Variants in PADI2 observed in about 807,000 individuals in gnomAD.
PADI2 encodes the protein protein-arginine deiminase type-2.
PADI2 carries 70 observed loss-of-function variants against 81.1 expected under a neutral mutation model. That is an observed-to-expected ratio of 0.86 (90% confidence interval 0.71 to 1.05). The LOEUF (loss-of-function observed/expected upper bound fraction) is 1.05. Ranked by LOEUF, PADI2 falls within the 50% of genes least tolerant of loss-of-function variation. The probability of loss-of-function intolerance (pLI) is 0.00; values close to 1 mark genes in which losing one functional copy is unlikely to be tolerated. For missense variants in PADI2, 853 were observed against 889.9 expected, an observed-to-expected ratio of 0.96 and a Z score of 0.53; for synonymous variants, 338 against 358.0, an observed-to-expected ratio of 0.94 and a Z score of 0.63.
At position 17,091,854 on chromosome 1, in the gene PADI2, C is replaced by T. The variant is rs184105369; in HGVS notation, c.655+554G>A. ...TGTGTTTACTGCAGAGATCTCAAAG[C>T]TGAGAACAGGGCCTGGCACCAAAGG... On this transcript the variant is annotated intron_variant, in intron 6 of 15. Transcript: ENST00000375486. Among the ~76,000 whole-genome samples, 5 of 152,246 alleles carry T rather than the reference C, an allele frequency of 3.3e-5. No individual in the cohort carries two copies. The East Asian group carries it at 9.7e-4, about 29-fold the overall frequency.
chr1:17,095,533 T>A (rs75475680), intron 4 of PADI2, among the ~76,000 whole-genome samples: 3,253 of 152,232 alleles, frequency 0.021, 55 homozygotes, highest in Middle Eastern at 0.071. Flanking sequence ...GAACTGAGAA[T>A]GATGAATGCG....
At chr1:17,069,719 A>G (rs2078251660) in intron 15 of PADI2, among the ~76,000 whole-genome samples, 1 of 151,826 alleles carries the variant, frequency 6.6e-6, no homozygotes, top group African/African-American at 2.4e-5. Context: ...ATGTGTGCTC[A>G]TGTGTGTATA....
At chr1:17,103,367 G>A (rs1469787310) in intron 2 of PADI2, among the ~76,000 whole-genome samples, 1 of 152,190 alleles carries the variant, frequency 6.6e-6, no homozygotes, top group Non-Finnish European at 1.5e-5. Context: ...CACGTCTAGT[G>A]CCCACTGAGG....
chr1:17,104,368 G>A (rs1299464143), intron 2 of PADI2, among the ~76,000 whole-genome samples: 1 of 150,142 alleles, frequency 6.7e-6, no homozygotes, highest in Non-Finnish European at 1.5e-5. Flanking sequence ...ATAATATTTT[G>A]ATAGATAGGG....
In PADI2 at chr1:17,074,901, G is replaced by A. The variant is rs372374970; in HGVS notation, c.1504C>T (p.Arg502Ter). ...ASTSACYKLF[R>*]EKQKDGHGEA... ...CCATGGCCGTCCTTCTGCTTCTCTC[G>A]GAAGAGCTTGTAGCAGGCCGAGGTG... Residue 502 changes from arginine (R) to a stop codon, truncating the protein, a stop_gained, in exon 13 of 16, where the codon CGA becomes TGA. Coordinates refer to ENST00000375486, the MANE Select transcript of PADI2 (RefSeq NM_007365.3). LOFTEE classifies it high-confidence loss of function. The A allele has an allele frequency of 2.6e-5, 42 of 1,613,146 alleles. No individual in the cohort carries two copies. The highest frequency in any genetic ancestry group is 8.0e-5 in the African/African-American group (6 of 74,914).
intron 13 of PADI2, among the ~76,000 whole-genome samples, chr1:17,073,103 G>A (rs971603436): frequency 2.0e-5 from 3 of 152,080 alleles, no homozygotes; most frequent in African/African-American, 7.2e-5. Context: ...ATACCAACCT[G>A]AAAAGTGACA....
At chr1:17,082,755 CTGT>C (rs2078354006) in intron 9 of PADI2, 103 bp from the exon 10 acceptor site, 2 of 687,788 alleles carry the variant, frequency 2.9e-6, no homozygotes, top group Admixed American at 5.4e-5. Context: ...AGAAGAACGT[CTGT>C]CTTGTTCCCC....
chr1:17,102,896 G>T (rs138398582), intron 3 of PADI2, 91 bp downstream of exon 3: 6 of 913,772 alleles, frequency 6.6e-6, no homozygotes, highest in South Asian at 1.4e-5. Flanking sequence ...CAGGTCAGCC[G>T]CACTGAGAAC....
intron 1 of PADI2, among the ~76,000 whole-genome samples, chr1:17,108,753 G>T (rs1161509829): frequency 6.6e-6 from 1 of 152,200 alleles, no homozygotes. Flanking sequence ...ATAAAGTCTT[G>T]CCATTTATGG....
chr1:17,087,680 T>G (rs1488010033), intron 6 of PADI2, among the ~76,000 whole-genome samples: 2 of 152,138 alleles, frequency 1.3e-5, no homozygotes, highest in Admixed American at 1.3e-4. Context: ...TTTGTATTTT[T>G]TAGCAGAGAC....
At chr1:17,091,893 C>T (rs1930712431) in intron 6 of PADI2, among the ~76,000 whole-genome samples, 1 of 152,168 alleles carries the variant, frequency 6.6e-6, no homozygotes, top group Admixed American at 6.5e-5. Flanking sequence ...CAACACATAT[C>T]CACAGACAGG....
chr1:17,119,325 T>G lies in PADI2; in HGVS notation c.47A>C (p.Glu16Ala), dbSNP rs1235982859. 6.4e-7 allele frequency: 1 copy of G among 1,557,944 alleles called. No individual in the cohort carries two copies. The highest frequency in any genetic ancestry group is 1.2e-5 in the South Asian group (1 of 84,650). ...TVRLQYGSRV[E>A]AVYVLGTYLW... is the part of the protein sequence containing the mutation. ...GTAGGTGCCCAGCACGTACACCGCC[T>G]CCACGCGGCTCCCGTACTGCAGCCG... Residue 16 changes from glutamate (E) to alanine (A), a missense_variant, in exon 1 of 16, where the codon GAG (glutamate) becomes GCG (alanine). Transcript: ENST00000375486. This position sits in a 1 kb window ranked among gnomAD's most constrained non-coding sequence, Gnocchi z 4.8.
In PADI2 at chr1:17,086,510, G is replaced by A; in HGVS notation, c.834+11C>T. 1 of 1,608,282 alleles carries A rather than the reference G, an allele frequency of 6.2e-7. No homozygotes were observed. Among genetic ancestry groups the A allele is most frequent in the Non-Finnish European group, 8.5e-7 (1 of 1,176,938 alleles). On this transcript the variant is annotated intron_variant, in intron 7 of 15. Transcript: ENST00000375486. ...GGTTAGCCCCCTGTGGTGGAGGCCT[G>A]GAGCCCTCACCTGGGCCATGTACTC...
intron 6 of PADI2, among the ~76,000 whole-genome samples, chr1:17,088,410 C>T (rs760004058): frequency 7.2e-5 from 11 of 152,108 alleles, no homozygotes; most frequent in Admixed American, 1.3e-4. Flanking sequence ...AGCCGAATAG[C>T]CTGGCACAAA....
intron 1 of PADI2, among the ~76,000 whole-genome samples, chr1:17,111,884 C>T (rs182271639): frequency 4.6e-5 from 7 of 152,134 alleles, no homozygotes; most frequent in East Asian, 3.9e-4. Flanking sequence ...CCTGCATGTT[C>T]GAGAAGCTGG....
chr1:17,086,583 G>A lies in PADI2; in HGVS notation c.772C>T (p.Pro258Ser), dbSNP rs1263379617. 1.2e-6 allele frequency: 2 copies of A among 1,613,990 alleles called. No individual in the cohort carries two copies. Among genetic ancestry groups the A allele is most frequent in the Admixed American group, 1.7e-5 (1 of 60,004 alleles). ...LLFFVEGLCF[P>S]DEGFSGLVSI... ...ACCAGGCCTGAGAAGCCCTCGTCGG[G>A]GAAACAGAGGCCTTCCACGAAGAAC... The change falls in exon 7 of 16, where the codon CCC (proline) becomes TCC (serine). Residue 258 changes from proline to serine, a missense_variant. Transcript: ENST00000375486.
chr1:17,093,574 G>T lies in PADI2; in HGVS notation c.522C>A (p.Ser174Arg). 2 of 1,602,940 alleles carry T rather than the reference G, an allele frequency of 1.2e-6. No homozygotes were observed. The highest frequency in any genetic ancestry group is 8.5e-7 in the Non-Finnish European group (1 of 1,170,136). The change falls in exon 5 of 16, where the codon AGC becomes AGA. Residue 174 changes from serine (S) to arginine (R), a missense_variant. Transcript: ENST00000375486. ...TGCAGGGCCTGCTGGCACCTTCCTT[G>T]CTGTAGACCTTCTCATCACGGCAGT... is the stretch of plus-strand genomic sequence containing the variant. ...KEDCRDEKVY[S>R]KEDLKDMSQM...
In PADI2 at chr1:17,110,855, C is replaced by CTTGT. The variant is rs138703779; in HGVS notation, c.93-5798_93-5795dup. On this transcript the variant is annotated intron_variant, in intron 1 of 15. Coordinates refer to ENST00000375486, the MANE Select transcript of PADI2 (RefSeq NM_007365.3). Reference sequence around the variant, plus strand: ...TCCTTGAAGGTAGGGATTGGATCTTCTTGTTTGTTTGTTTGTTTGTTTCAG... The same window carrying CTTGT: ...TCCTTGAAGGTAGGGATTGGATCTTCTTGTTTGTTTGTTTGTTTGTTTGTTTCAG... Among the ~76,000 whole-genome samples, 84 of 152,038 alleles carry CTTGT rather than the reference C, an allele frequency of 5.5e-4. 1 individual carries two copies. The highest frequency in any genetic ancestry group is 1.5e-4 in the Non-Finnish European group (10 of 68,006).
intron 5 of PADI2, among the ~76,000 whole-genome samples, chr1:17,093,105 T>A (rs1032408509): frequency 1.3e-5 from 2 of 152,016 alleles, no homozygotes; most frequent in South Asian, 4.1e-4. Context: ...CTTCTTCTTT[T>A]TTTTTCTTGA....
Sources: allele counts gnomAD v4.1 joint callset (sites outside exome capture counted in the v4.1 genomes callset), GRCh38; gene constraint gnomAD v4.1.1; non-coding constraint Gnocchi (gnomAD v3.1); transcripts MANE v1.5; gene names NCBI Gene and HGNC (gene_info 2026-07-23, HGNC 2026-07-21).